PDZRN3: variants seen among roughly 807,000 people sequenced by gnomAD.
PDZRN3 encodes PDZ domain containing ring finger 3, also known as E3 ubiquitin-protein ligase PDZRN3.
In PDZRN3, 38 loss-of-function variants were observed where a neutral mutation model predicts 85.7. The ratio of observed to expected loss-of-function variants is 0.44; its 90% CI spans 0.34 to 0.58. The LOEUF is 0.58. Among genes scored for constraint, PDZRN3 ranks in the 20% least tolerant of loss-of-function variants. PDZRN3 has a pLI of 0.01. For synonymous variants in PDZRN3, 759 were observed against 638.0 expected, an observed-to-expected ratio of 1.19 and a Z score of -2.86; for missense variants, 1,629 against 1,506.4, an observed-to-expected ratio of 1.08 and a Z score of -1.35.
chr3:73,509,740 T>C (rs1337185381), intron 3 of PDZRN3, among the ~76,000 whole-genome samples: 3 of 152,216 alleles, frequency 2.0e-5, no homozygotes, highest in African/African-American at 7.2e-5. Context: ...GCAGTAACTT[T>C]CAACTCTGAT....
chr3:73,465,372 T>C (rs1227755332), intron 3 of PDZRN3, among the ~76,000 whole-genome samples: 1 of 152,228 alleles, frequency 6.6e-6, no homozygotes, highest in Non-Finnish European at 1.5e-5. Flanking sequence ...CTATAACAAA[T>C]TGCCTTATAT....
At chr3:73,484,830 C>A (rs1223442571) in intron 3 of PDZRN3, among the ~76,000 whole-genome samples, 3 of 152,124 alleles carry the variant, frequency 2.0e-5, no homozygotes, top group Non-Finnish European at 4.4e-5. Flanking sequence ...AGATTCCCAG[C>A]AGATGCGTTT....
At position 73,393,482 on chromosome 3, in the gene PDZRN3, T is replaced by G. The variant is rs544339557; in HGVS notation, c.1255-2366A>C. On this transcript the variant is annotated intron_variant, in intron 5 of 9. Transcript: ENST00000263666. ...ATAACCAAGGGCATGATTAGCAGAC[T>G]TGTCTCACTGGACAAGGTGTAGACC... Among the ~76,000 whole-genome samples the G allele has an allele frequency of 6.6e-5, 10 of 152,286 alleles. No individual in the cohort carries two copies. In the South Asian group the frequency reaches 1.9e-3, roughly 28 times the overall value.
intron 3 of PDZRN3, among the ~76,000 whole-genome samples, chr3:73,560,589 C>T (rs1701795726): frequency 6.6e-6 from 1 of 152,242 alleles, no homozygotes; most frequent in Non-Finnish European, 1.5e-5. Context: ...ACCTACTCAT[C>T]ATTCAAAGGG....
At chr3:73,527,678 CTATT>C (rs1332148736) in intron 3 of PDZRN3, among the ~76,000 whole-genome samples, 1 of 152,068 alleles carries the variant, frequency 6.6e-6, no homozygotes, top group Non-Finnish European at 1.5e-5. Context: ...TTTCTTTGAG[CTATT>C]TAAAGTGGTC....
intron 3 of PDZRN3, among the ~76,000 whole-genome samples, chr3:73,504,020 G>A (rs1249336518): frequency 1.3e-5 from 2 of 152,158 alleles, no homozygotes; most frequent in Admixed American, 6.5e-5. Flanking sequence ...ACAGTATCCC[G>A]AAGTCACAGG....
chr3:73,419,981 C>T (rs1702166663), intron 3 of PDZRN3, among the ~76,000 whole-genome samples: 1 of 152,226 alleles, frequency 6.6e-6, no homozygotes, highest in African/African-American at 2.4e-5. Context: ...ACACCACCAT[C>T]CACACAGAGC....
chr3:73,511,817 A>G (rs1704170998), intron 3 of PDZRN3, among the ~76,000 whole-genome samples: 1 of 152,236 alleles, frequency 6.6e-6, no homozygotes, highest in Non-Finnish European at 1.5e-5. Context: ...AGGGCCTTTC[A>G]GGCTGACAGT....
rs1192084423 is a variant in PDZRN3 at position 73,608,679 on chromosome 3, T to C, written c.729A>G (p.Glu243=). 6.2e-7 allele frequency: 1 copy of C among 1,605,996 alleles called. No individual in the cohort carries two copies. The highest frequency in any genetic ancestry group is 8.5e-7 in the Non-Finnish European group (1 of 1,174,466). The change falls in exon 2 of 10, where the codon GAA becomes GAG. Residue 243 remains glutamate, a synonymous_variant. Coordinates refer to ENST00000263666, the MANE Select transcript of PDZRN3 (RefSeq NM_015009.3). ...GGACAAGAGTCAGACTTTTGGTTTC[T>C]TCGCCCTGCAGGTAACAAATGAGAT... ...CVAAPPGGKG[E]ETKSLTLVLH...
intron 2 of PDZRN3, among the ~76,000 whole-genome samples, chr3:73,606,954 C>T (rs1702609344): frequency 6.6e-6 from 1 of 152,194 alleles, no homozygotes; most frequent in Non-Finnish European, 1.5e-5. Flanking sequence ...AGACTCAAGA[C>T]TTAGGCCCTT....
chr3:73,393,427 A>G (rs983793269), intron 5 of PDZRN3, among the ~76,000 whole-genome samples: 8 of 152,160 alleles, frequency 5.3e-5, no homozygotes, highest in African/African-American at 1.9e-4. Flanking sequence ...AAGTGTTCAG[A>G]AACCTCTATA....
chr3:73,547,462 G>A (rs1377339161), intron 3 of PDZRN3, among the ~76,000 whole-genome samples: 1 of 152,166 alleles, frequency 6.6e-6, no homozygotes, highest in African/African-American at 2.4e-5. Flanking sequence ...TAAGAATCTG[G>A]CCTGGAAAGT....
intron 3 of PDZRN3, among the ~76,000 whole-genome samples, chr3:73,483,903 A>G (rs547387907): frequency 6.6e-6 from 1 of 152,332 alleles, no homozygotes; most frequent in East Asian, 1.9e-4. Flanking sequence ...CATATTCTTT[A>G]CTGGGAAGCC....
chr3:73,528,289 C>T (rs929821718), intron 3 of PDZRN3, among the ~76,000 whole-genome samples: 4 of 152,118 alleles, frequency 2.6e-5, no homozygotes, highest in East Asian at 1.9e-4. Context: ...ATAACCTTAC[C>T]GAAGGCCAGG....
intron 2 of PDZRN3, among the ~76,000 whole-genome samples, chr3:73,602,998 A>C (rs1427788319): frequency 6.6e-6 from 1 of 152,234 alleles, no homozygotes; most frequent in Non-Finnish European, 1.5e-5. Flanking sequence ...CTTGTATTTT[A>C]AATTATCTTT....
intron 3 of PDZRN3, among the ~76,000 whole-genome samples, chr3:73,584,420 T>C (rs1702246503): frequency 9.9e-6 from 1 of 100,720 alleles, no homozygotes; most frequent in South Asian, 4.3e-4. Flanking sequence ...TGGCTACATT[T>C]CCAGCACAAG....
intron 3 of PDZRN3, among the ~76,000 whole-genome samples, chr3:73,536,434 C>T (rs1186281097): frequency 1.3e-5 from 2 of 152,210 alleles, no homozygotes; most frequent in Non-Finnish European, 2.9e-5. Context: ...GGCATCACTG[C>T]TGCTAAGGCA....
At chr3:73,602,815 T>C (rs1702534447) in intron 2 of PDZRN3, among the ~76,000 whole-genome samples, 1 of 152,246 alleles carries the variant, frequency 6.6e-6, no homozygotes, top group Admixed American at 6.5e-5. Flanking sequence ...ATTATGCTAG[T>C]CTGACTCTTA....
At chr3:73,474,261 T>C (rs1026587138) in intron 3 of PDZRN3, among the ~76,000 whole-genome samples, 5 of 152,240 alleles carry the variant, frequency 3.3e-5, no homozygotes, top group African/African-American at 9.6e-5. Context: ...ACATGGTTCA[T>C]GGTACAGACA....
Sources: gnomAD v4.1 joint callset for allele counts (sites outside exome capture counted in the v4.1 genomes callset) on GRCh38, gnomAD v4.1.1 for gene constraint, MANE v1.5 for transcripts, NCBI Gene and HGNC (gene_info 2026-07-23, HGNC 2026-07-21) for gene names.